Variants in NOL4L observed in about 807,000 individuals in gnomAD.
NOL4L encodes nucleolar protein 4-like.
Under a neutral mutation model 64.5 loss-of-function variants are expected in NOL4L, and 7 were observed. That is an observed-to-expected ratio of 0.11 (90% CI 0.06 to 0.20). NOL4L has a LOEUF of 0.20. Ranked by LOEUF, NOL4L falls within the 10% of genes least tolerant of loss-of-function variation. NOL4L has a pLI of 1.00. For missense variants in NOL4L, 680 were observed against 967.1 expected (o/e 0.70, Z 3.94); for synonymous variants, 413 against 401.0 (o/e 1.03, Z -0.36).
intron 1 of NOL4L, among the ~76,000 whole-genome samples, chr20:32,528,891 T>C (rs1011952923): frequency 2.0e-5 from 3 of 152,162 alleles, no homozygotes; most frequent in African/African-American, 2.4e-5. Flanking sequence ...TGGAGGGAAT[T>C]TGAGGGGAAA....
chr20:32,496,010 C>G (rs1161035985), intron 4 of NOL4L, among the ~76,000 whole-genome samples: 1 of 152,188 alleles, frequency 6.6e-6, no homozygotes, highest in African/African-American at 2.4e-5. Flanking sequence ...CTCATCTCCA[C>G]TTTCGACCTG....
At chr20:32,515,535 G>A (rs989641373) in intron 3 of NOL4L, among the ~76,000 whole-genome samples, 3 of 152,178 alleles carry the variant, frequency 2.0e-5, no homozygotes, top group Non-Finnish European at 4.4e-5. Flanking sequence ...TGCACACTGA[G>A]AGGATGGGCT....
intron 3 of NOL4L, among the ~76,000 whole-genome samples, chr20:32,514,619 G>A (rs541428152): frequency 1.8e-4 from 27 of 151,890 alleles, no homozygotes; most frequent in South Asian, 4.2e-4. Flanking sequence ...CCTCTGCACC[G>A]ATACCAAACT....
intron 9 of NOL4L, 98 bp from the exon 10 acceptor site, chr20:32,452,535 C>G: frequency 2.7e-6 from 3 of 1,107,822 alleles, no homozygotes; most frequent in Non-Finnish European, 3.8e-6. Context: ...GGCCCCAGGA[C>G]TCCTGGGACC....
chr20:32,514,905 T>C (rs2017582644), intron 3 of NOL4L, among the ~76,000 whole-genome samples: 1 of 151,954 alleles, frequency 6.6e-6, no homozygotes. Flanking sequence ...TCATGGTGAG[T>C]GTGAAGGGCG....
At chr20:32,465,259 C>T in intron 5 of NOL4L, 1 of 424,290 alleles carries the variant, frequency 2.4e-6, no homozygotes, top group Non-Finnish European at 4.2e-6. Context: ...GAACCAGAGG[C>T]TCCAGGGGGA....
At chr20:32,523,729 CTGGGCTGCCTGCTGCCT>C (rs2018026772) in intron 2 of NOL4L, among the ~76,000 whole-genome samples, 1 of 152,220 alleles carries the variant, frequency 6.6e-6, no homozygotes, top group South Asian at 2.1e-4. Flanking sequence ...CTCCGCTGCC[CTGGGCTGCCTGCTGCCT>C]TGCTCCCCGG....
At chr20:32,461,546 C>T (rs554689816) in intron 5 of NOL4L, among the ~76,000 whole-genome samples, 1 of 151,432 alleles carries the variant, frequency 6.6e-6, no homozygotes, top group African/African-American at 2.4e-5. Flanking sequence ...CCTCGGCTTC[C>T]CGAGTAGCTG....
At chr20:32,565,866 A>AAAAC (rs556511778) in intron 1 of NOL4L, among the ~76,000 whole-genome samples, 7,444 of 152,076 alleles carry the variant, frequency 0.049, 254 homozygotes, top group Non-Finnish European at 0.069. Context: ...CCCGTCTCTA[A>AAAAC]AAACAAACAA....
intron 4 of NOL4L, chr20:32,475,210 C>G (rs977849266): frequency 1.0e-6 from 1 of 985,480 alleles, no homozygotes; most frequent in Non-Finnish European, 1.2e-6. Context: ...GGCGCCCTGA[C>G]TCCCATGAAG....
chr20:32,481,970 G>GGGC (rs2015749387), intron 4 of NOL4L, among the ~76,000 whole-genome samples: 1 of 148,734 alleles, frequency 6.7e-6, no homozygotes, highest in Admixed American at 6.6e-5. Flanking sequence ...GGGGCGGGGG[G>GGGC]GGGGGAGCAG....
intron 3 of NOL4L, chr20:32,519,718 T>A (rs1409573950): frequency 1.3e-5 from 2 of 152,330 alleles, no homozygotes. Context: ...TGAAGTGAGG[T>A]CCTTGCTGGT....
chr20:32,531,551 C>T (rs2018348729), intron 1 of NOL4L, among the ~76,000 whole-genome samples: 1 of 152,086 alleles, frequency 6.6e-6, no homozygotes, highest in Non-Finnish European at 1.5e-5. Context: ...TGGCGTTTCA[C>T]CATGTTGGCC....
At chr20:32,501,267 A>G (rs193086102) in intron 4 of NOL4L, among the ~76,000 whole-genome samples, 3 of 152,362 alleles carry the variant, frequency 2.0e-5, no homozygotes, top group African/African-American at 7.2e-5. Context: ...GGTTTTATAT[A>G]GAGAAAAATG....
chr20:32,454,359 C>A (rs749110824), intron 6 of NOL4L, among the ~76,000 whole-genome samples: 1 of 152,140 alleles, frequency 6.6e-6, no homozygotes, highest in Non-Finnish European at 1.5e-5. Flanking sequence ...CTCCTGTCTG[C>A]CCCCCACCCA....
At chr20:32,513,859 C>A (rs1020278988) in intron 3 of NOL4L, among the ~76,000 whole-genome samples, 2 of 152,072 alleles carry the variant, frequency 1.3e-5, no homozygotes, top group African/African-American at 4.8e-5. Context: ...ACAACAGAAA[C>A]AAACAAACAA....
At position 32,453,648 on chromosome 20, in the gene NOL4L, G is replaced by A. The variant is rs781235242; in HGVS notation, c.1233C>T (p.His411=). ...APTADDDDDD[H]DDHEDNDKMN... ...TCTTGTCATTGTCCTCATGGTCATCGTGGTCATCGTCGTCATCATCTGCCG... is the reference window on the plus strand; with the variant it reads ...TCTTGTCATTGTCCTCATGGTCATCATGGTCATCGTCGTCATCATCTGCCG... The change falls in exon 7 of 11, where the codon CAC becomes CAT. Residue 411 remains histidine, a synonymous_variant. Transcript: ENST00000621426. The surrounding 1 kb of genome is among the most constrained non-coding windows in gnomAD (Gnocchi z 5.6). 5.0e-6 allele frequency: 8 copies of A among 1,602,484 alleles called. No individual in the cohort carries two copies. Among genetic ancestry groups the A allele is most frequent in the Admixed American group, 1.7e-5 (1 of 57,946 alleles).
At chr20:32,569,045 A>ATATT (rs1979605578) in intron 1 of NOL4L, among the ~76,000 whole-genome samples, 1 of 151,784 alleles carries the variant, frequency 6.6e-6, no homozygotes, top group Non-Finnish European at 1.5e-5. Flanking sequence ...CAGACAGCAA[A>ATATT]TATTCCTGTC....
intron 1 of NOL4L, among the ~76,000 whole-genome samples, chr20:32,534,989 G>C (rs950510954): frequency 6.6e-6 from 1 of 152,032 alleles, no homozygotes; most frequent in African/African-American, 2.4e-5. Context: ...AAGAAGCAAG[G>C]GGGAGGAGTC....
Sources: allele counts gnomAD v4.1 joint callset (sites outside exome capture counted in the v4.1 genomes callset), GRCh38; gene constraint gnomAD v4.1.1; non-coding constraint Gnocchi (gnomAD v3.1); transcripts MANE v1.5; gene names NCBI Gene and HGNC (gene_info 2026-07-23, HGNC 2026-07-21).